The following VNN1 variants were observed in gnomAD, a reference collection of about 807,000 sequenced individuals.
VNN1 encodes the protein vanin 1, also known as pantetheinase.
Under a neutral mutation model 41.9 loss-of-function variants are expected in VNN1, and 29 were observed. That is an observed-to-expected ratio of 0.69 (90% CI 0.52 to 0.94). VNN1 has a LOEUF of 0.94. Among genes scored for constraint, VNN1 ranks in the 40% least tolerant of loss-of-function variants. VNN1 has a pLI of 0.00. For missense variants in VNN1, 637 were observed against 621.1 expected (o/e 1.03, Z -0.27); for synonymous variants, 233 against 224.4 (o/e 1.04, Z -0.34).
At position 132,692,591 on chromosome 6, in the gene VNN1, GT is replaced by G; in HGVS notation, c.827-8del. 1 of 1,550,080 alleles carries G rather than the reference GT, an allele frequency of 6.5e-7. No individual in the cohort carries two copies. On this transcript the variant is annotated splice_region_variant and splice_polypyrimidine_tract_variant and intron_variant, in intron 4 of 6. Transcript: ENST00000367928. The stretch of plus-strand genomic sequence containing the variant: ...GGTGCATAGATGCCACTTCCTGGAA[GT>G]AATAAGTTGAAAACATCATTTGAAA...
intron 2 of VNN1, among the ~76,000 whole-genome samples, chr6:132,703,115 C>G (rs553014704): frequency 2.2e-4 from 33 of 152,160 alleles, no homozygotes; most frequent in Non-Finnish European, 4.6e-4. Flanking sequence ...TAGACCCACC[C>G]TGAGCCAGAA....
intron 5 of VNN1, among the ~76,000 whole-genome samples, chr6:132,690,230 G>C (rs1283343096): frequency 6.6e-6 from 1 of 152,140 alleles, no homozygotes; most frequent in Non-Finnish European, 1.5e-5. Context: ...ACTTCCACCA[G>C]CTGACCATCA....
At chr6:132,698,651 C>T (rs567985405) in intron 2 of VNN1, 1 of 152,640 alleles carries the variant, frequency 6.6e-6, no homozygotes, top group African/African-American at 2.4e-5. Context: ...GAGACATCCA[C>T]CCAGGAAGGC....
intron 1 of VNN1, among the ~76,000 whole-genome samples, chr6:132,712,998 G>C (rs1418407245): frequency 6.6e-6 from 1 of 152,094 alleles, no homozygotes; most frequent in South Asian, 2.1e-4. Flanking sequence ...AGCTGGGCAC[G>C]GTGGCATGCA....
rs1410151763 is a variant in VNN1, at chr6:132,693,219, A to C, written c.631T>G (p.Cys211Gly). ...TTFGSFGIFT[C>G]FDILFHDPAV... ...GGATCATGGAAGAGTATATCAAAGC[A>C]TGTGAAAATGCCAAAACTTCCAAAG... The change falls in exon 4 of 7, where the codon TGC becomes GGC. Residue 211 changes from cysteine (C) to glycine (G), a missense_variant. Transcript: ENST00000367928. 1 of 1,614,066 alleles carries C rather than the reference A, an allele frequency of 6.2e-7. No homozygotes were observed. Among genetic ancestry groups the C allele is most frequent in the African/African-American group, 1.3e-5 (1 of 74,946 alleles).
chr6:132,697,424 T>C (rs951644858), intron 2 of VNN1, among the ~76,000 whole-genome samples: 1 of 152,162 alleles, frequency 6.6e-6, no homozygotes, highest in Non-Finnish European at 1.5e-5. Flanking sequence ...CCAGCTAGTA[T>C]GAAACAATGG....
intron 2 of VNN1, among the ~76,000 whole-genome samples, chr6:132,696,160 A>G (rs1261785774): frequency 6.6e-6 from 1 of 151,392 alleles, no homozygotes; most frequent in East Asian, 2.0e-4. Context: ...ACCTAAAAAG[A>G]ATCTGGAGCT....
At chr6:132,705,889 A>G (rs1486649750) in intron 2 of VNN1, among the ~76,000 whole-genome samples, 1 of 152,182 alleles carries the variant, frequency 6.6e-6, no homozygotes, top group African/African-American at 2.4e-5. Context: ...TGAAAAAGAA[A>G]TCAAGAAAGG....
intron 2 of VNN1, among the ~76,000 whole-genome samples, chr6:132,702,100 G>A (rs1778455628): frequency 6.6e-6 from 1 of 152,198 alleles, no homozygotes; most frequent in South Asian, 2.1e-4. Flanking sequence ...CAATCCCTAT[G>A]CCATGGACTG....
At chr6:132,706,409 G>C (rs1000687436) in intron 2 of VNN1, among the ~76,000 whole-genome samples, 2 of 152,188 alleles carry the variant, frequency 1.3e-5, no homozygotes, top group Non-Finnish European at 2.9e-5. Flanking sequence ...TTGGGGAAAG[G>C]ACAGTTTTTT....
intron 2 of VNN1, among the ~76,000 whole-genome samples, chr6:132,698,213 G>C (rs1486131358): frequency 1.3e-5 from 2 of 152,236 alleles, no homozygotes; most frequent in African/African-American, 2.4e-5. Context: ...GGCACAGAAG[G>C]AGGAGGTGAA....
At position 132,681,888 on chromosome 6, in the gene VNN1, T is replaced by C. The variant is rs1368028791; in HGVS notation, c.*1252A>G. ...ATGTTTTGCTGGCATAGATCACTAC[T>C]GCAAGTGCCTTGCTCTCCTGTGCAG... is the stretch of plus-strand genomic sequence containing the variant. On this transcript the variant is annotated 3_prime_UTR_variant, in exon 7 of 7. Transcript: ENST00000367928. 1 of 152,656 alleles carries C rather than the reference T, an allele frequency of 6.6e-6. No homozygotes were observed. The highest frequency in any genetic ancestry group is 1.5e-5 in the Non-Finnish European group (1 of 68,046). The allele number at this position is 152,656 out of a possible 1,614,324, so 9.5% of individuals were successfully genotyped here.
intron 2 of VNN1, among the ~76,000 whole-genome samples, chr6:132,695,460 G>C (rs1486825598): frequency 1.3e-5 from 2 of 152,138 alleles, no homozygotes. Flanking sequence ...TATGGGAGCA[G>C]GGTGGACAAT....
intron 2 of VNN1, among the ~76,000 whole-genome samples, chr6:132,704,359 A>G (rs1265615395): frequency 3.3e-5 from 5 of 152,166 alleles, no homozygotes; most frequent in Non-Finnish European, 5.9e-5. Context: ...CATATCAAGT[A>G]TCTTCTCTGA....
chr6:132,705,282 C>G (rs539059846), intron 2 of VNN1, among the ~76,000 whole-genome samples: 1 of 152,238 alleles, frequency 6.6e-6, no homozygotes, highest in South Asian at 2.1e-4. Flanking sequence ...CAACAAAATA[C>G]TAGCAAACCA....
At chr6:132,699,539 CATCAAACAAATGTTCCAA>C (rs1335257749) in intron 2 of VNN1, 1 of 162,468 alleles carries the variant, frequency 6.2e-6, no homozygotes, top group Non-Finnish European at 1.4e-5. Flanking sequence ...ACTGAATACT[CATCAAACAAATGTTCCAA>C]ATCAAACATT....
chr6:132,696,491 G>T (rs1000469506), intron 2 of VNN1, among the ~76,000 whole-genome samples: 18 of 152,046 alleles, frequency 1.2e-4, no homozygotes, highest in African/African-American at 4.3e-4. Context: ...AATTCAAAGA[G>T]ACTCACACTA....
chr6:132,687,278 C>A (rs1191887989), intron 5 of VNN1, among the ~76,000 whole-genome samples: 3 of 152,074 alleles, frequency 2.0e-5, no homozygotes, highest in Non-Finnish European at 4.4e-5. Context: ...AATTCCATGC[C>A]CAGGGAAATA....
At chr6:132,709,625 C>T (rs1778568911) in intron 2 of VNN1, among the ~76,000 whole-genome samples, 1 of 151,022 alleles carries the variant, frequency 6.6e-6, no homozygotes, top group South Asian at 2.1e-4. Flanking sequence ...GATCACGCCA[C>T]TGCACTCCAG....
Sources: gnomAD v4.1 joint callset for allele counts (sites outside exome capture counted in the v4.1 genomes callset) on GRCh38, gnomAD v4.1.1 for gene constraint, MANE v1.5 for transcripts, NCBI Gene and HGNC (gene_info 2026-07-23, HGNC 2026-07-21) for gene names.